Variants in AUTS2 observed in about 807,000 individuals in gnomAD.
AUTS2 encodes the protein autism susceptibility gene 2 protein.
A neutral mutation model predicts 112.4 loss-of-function variants in AUTS2; 17 were observed. The observed-to-expected ratio is 0.15, with a 90% CI of 0.10 to 0.23. The LOEUF is 0.23. Ranked by LOEUF, AUTS2 falls within the 10% of genes least tolerant of loss-of-function variation. AUTS2 has a pLI of 1.00. For synonymous variants in AUTS2, 751 were observed against 702.7 expected, an observed-to-expected ratio of 1.07 and a Z score of -1.09; for missense variants, 1,510 against 1,701.6, an observed-to-expected ratio of 0.89 and a Z score of 1.98.
chr7:70,438,780 T>C (rs888143270), intron 5 of AUTS2, among the ~76,000 whole-genome samples: 2 of 152,188 alleles, frequency 1.3e-5, no homozygotes, highest in Admixed American at 6.5e-5. Context: ...CTTGGAGGAT[T>C]CGCATTCGAA....
intron 6 of AUTS2, among the ~76,000 whole-genome samples, chr7:70,746,586 A>T (rs1290465985): frequency 6.6e-6 from 1 of 152,206 alleles, no homozygotes; most frequent in Non-Finnish European, 1.5e-5. Flanking sequence ...ATCAGAGCAG[A>T]TGGCTAGCAG....
At chr7:69,963,378 T>G (rs1344589882) in intron 2 of AUTS2, among the ~76,000 whole-genome samples, 1 of 152,142 alleles carries the variant, frequency 6.6e-6, no homozygotes, top group Non-Finnish European at 1.5e-5. Context: ...TTTCACCACT[T>G]AACACCTTCC....
intron 2 of AUTS2, among the ~76,000 whole-genome samples, chr7:70,056,322 C>T (rs145037627): frequency 8.3e-4 from 127 of 152,218 alleles, no homozygotes; most frequent in Admixed American, 1.7e-3. Context: ...CCTAAAGTGG[C>T]GCTTTGCATG....
intron 2 of AUTS2, among the ~76,000 whole-genome samples, chr7:70,091,832 A>C (rs939312805): frequency 6.6e-6 from 1 of 152,224 alleles, no homozygotes; most frequent in Non-Finnish European, 1.5e-5. Flanking sequence ...TATACCCAAC[A>C]TGTAGGAATA....
rs187637491 is a variant in AUTS2, at chr7:69,999,646, A to G, written c.522+100148A>G. ...TGTTTCTTGTGGGTTTGATTTGTAC[A>G]TTATCACTGAAAAACTTCATCAGTG... On this transcript the variant is annotated intron_variant, in intron 2 of 18. Coordinates refer to ENST00000342771, the MANE Select transcript of AUTS2 (RefSeq NM_015570.4). Among the ~76,000 whole-genome samples, 4 of 152,218 alleles carry G rather than the reference A, an allele frequency of 2.6e-5. No homozygotes were observed. The East Asian group carries it at 7.7e-4, about 29-fold the overall frequency.
chr7:69,893,974 G>T (rs542606047), intron 1 of AUTS2, among the ~76,000 whole-genome samples: 26 of 152,230 alleles, frequency 1.7e-4, no homozygotes, highest in South Asian at 1.2e-3. Context: ...AGAAGGCGGG[G>T]TGTTGAAGGA....
intron 1 of AUTS2, among the ~76,000 whole-genome samples, chr7:69,805,960 G>A (rs936821490): frequency 7.9e-5 from 12 of 151,744 alleles, no homozygotes; most frequent in Admixed American, 3.9e-4. Context: ...GTGCAGTGGC[G>A]CGTTCATAGC....
At chr7:69,694,357 GTTCTT>G (rs1289582639) in intron 1 of AUTS2, among the ~76,000 whole-genome samples, 1 of 151,874 alleles carries the variant, frequency 6.6e-6, no homozygotes, top group Non-Finnish European at 1.5e-5. Flanking sequence ...TTTCTTTACT[GTTCTT>G]TTAAGACATC....
chr7:69,877,312 C>G (rs1793845678), intron 1 of AUTS2, among the ~76,000 whole-genome samples: 1 of 152,152 alleles, frequency 6.6e-6, no homozygotes, highest in African/African-American at 2.4e-5. Context: ...CAAAAGTCTT[C>G]AAACTTTTTT....
intron 1 of AUTS2, among the ~76,000 whole-genome samples, chr7:69,673,717 T>G (rs1314610699): frequency 1.3e-5 from 2 of 152,214 alleles, no homozygotes; most frequent in Non-Finnish European, 2.9e-5. Flanking sequence ...ATGGGGTAAC[T>G]TTGCCAACTA....
intron 4 of AUTS2, among the ~76,000 whole-genome samples, chr7:70,237,615 A>T (rs979858962): frequency 6.6e-6 from 1 of 152,226 alleles, no homozygotes; most frequent in Admixed American, 6.5e-5. Context: ...AATTTAATCC[A>T]TAATGCATGA....
At chr7:69,842,171 CTGAA>C (rs1486907642) in intron 1 of AUTS2, among the ~76,000 whole-genome samples, 1 of 152,034 alleles carries the variant, frequency 6.6e-6, no homozygotes, top group African/African-American at 2.4e-5. Flanking sequence ...ATCAAGAAAT[CTGAA>C]TGGTGTTTAA....
chr7:69,907,026 GGGCCCA>G (rs767856770), intron 2 of AUTS2, among the ~76,000 whole-genome samples: 15 of 152,152 alleles, frequency 9.9e-5, no homozygotes, highest in Non-Finnish European at 2.2e-4. Context: ...AGGATTGCAA[GGGCCCA>G]GGAAGTTAAG....
intron 4 of AUTS2, among the ~76,000 whole-genome samples, chr7:70,312,088 A>T (rs1200643166): frequency 6.6e-6 from 1 of 151,748 alleles, no homozygotes; most frequent in Admixed American, 6.6e-5. Flanking sequence ...TGAACTCCTG[A>T]CTTCAGGTGA....
intron 2 of AUTS2, among the ~76,000 whole-genome samples, chr7:70,066,810 G>A (rs1802518090): frequency 6.6e-6 from 1 of 152,114 alleles, no homozygotes; most frequent in Non-Finnish European, 1.5e-5. Context: ...AAAGTGCTGG[G>A]GTTACAGGCA....
intron 1 of AUTS2, among the ~76,000 whole-genome samples, chr7:69,740,747 C>T (rs1392936106): frequency 6.6e-6 from 1 of 152,078 alleles, no homozygotes; most frequent in Non-Finnish European, 1.5e-5. Context: ...GTCTCAAACC[C>T]CTGACCTTAG....
intron 1 of AUTS2, among the ~76,000 whole-genome samples, chr7:69,842,399 T>C (rs565682252): frequency 6.6e-6 from 1 of 152,342 alleles, no homozygotes; most frequent in East Asian, 1.9e-4. Context: ...ACGCTTTTAC[T>C]GTTCATAACA....
At chr7:70,326,888 G>A (rs1790511165) in intron 4 of AUTS2, among the ~76,000 whole-genome samples, 1 of 150,570 alleles carries the variant, frequency 6.6e-6, no homozygotes, top group Admixed American at 6.6e-5. Context: ...AATCACAGGT[G>A]GCACTTGGCA....
chr7:69,868,156 C>T (rs1218806065), intron 1 of AUTS2, among the ~76,000 whole-genome samples: 1 of 152,050 alleles, frequency 6.6e-6, no homozygotes, highest in Non-Finnish European at 1.5e-5. Flanking sequence ...AATTATGAAA[C>T]AGTTTGTGCA....
Sources: gnomAD v4.1 joint callset for allele counts (sites outside exome capture counted in the v4.1 genomes callset) on GRCh38, gnomAD v4.1.1 for gene constraint, MANE v1.5 for transcripts, NCBI Gene and HGNC (gene_info 2026-07-23, HGNC 2026-07-21) for gene names.